The following ITGAX variants were observed in gnomAD, a reference collection of about 807,000 sequenced individuals.
The protein encoded by ITGAX is integrin alpha-X.
A neutral mutation model predicts 140.2 loss-of-function variants in ITGAX; 99 were observed. The observed-to-expected ratio is 0.71, with a 90% CI of 0.60 to 0.83. The LOEUF (loss-of-function observed/expected upper bound fraction) is 0.83. ITGAX is among the 40% of genes least tolerant of loss of function. The pLI is 0.00. For missense variants in ITGAX, 1,444 were observed against 1,482.0 expected (o/e 0.97, Z 0.42); for synonymous variants, 631 against 600.4 (o/e 1.05, Z -0.75).
At chr16:31,377,128 C>T (rs780826538) in intron 22 of ITGAX, 49 bp downstream of exon 22, 1 of 1,610,706 alleles carries the variant, frequency 6.2e-7, no homozygotes, top group African/African-American at 1.3e-5. Context: ...CAGCCTCACA[C>T]CCCATTCTCC....
In ITGAX at chr16:31,371,708, C is replaced by T; in HGVS notation, c.2084C>T (p.Thr695Ile). 2 of 1,614,170 alleles carry T rather than the reference C, an allele frequency of 1.2e-6. No individual in the cohort carries two copies. The highest frequency in any genetic ancestry group is 4.5e-5 in the East Asian group (2 of 44,866). The change falls in exon 17 of 30, where the codon ACA (threonine) becomes ATA (isoleucine). Residue 695 changes from threonine (T) to isoleucine (I), a missense_variant. Coordinates refer to ENST00000268296, the MANE Select transcript of ITGAX (RefSeq NM_000887.5). ...AGTCCCCGTGCCACCTTCCAGGAAA[C>T]AAAGAACCGGAGTCTGAGCCGAGTC... Reference protein sequence around the residue: ...RLSPRATFQETKNRSLSRVRV... With the variant: ...RLSPRATFQEIKNRSLSRVRV...
intron 23 of ITGAX, among the ~76,000 whole-genome samples, chr16:31,379,111 G>A (rs1447328765): frequency 1.3e-5 from 2 of 151,392 alleles, no homozygotes; most frequent in Non-Finnish European, 2.9e-5. Flanking sequence ...CACTGTGCCT[G>A]GTCTCTAAAC....
Position 31,382,854 on chromosome 16 carries a change from C to A in ITGAX, c.*947C>A, listed in dbSNP as rs1282385888. The A allele has an allele frequency of 4.0e-6, 1 of 249,010 alleles. No individual in the cohort carries two copies. The allele number at this position is 249,010 out of a possible 1,614,324, so 15.4% of individuals were successfully genotyped here. A position where few individuals can be genotyped will look rare whatever the true frequency, so the allele number is the denominator to read the frequency against. On this transcript the variant is annotated 3_prime_UTR_variant, in exon 30 of 30. Transcript: ENST00000268296. ...ATTTTTTGAGGCTATGAATATAGTA[C>A]CTGAAAAAATGCCAAGACATGATTA...
intron 10 of ITGAX, 41 bp downstream of exon 10, chr16:31,361,950 A>AG (rs759673689): frequency 6.2e-7 from 1 of 1,612,672 alleles, no homozygotes; most frequent in East Asian, 2.2e-5. Context: ...CCGTGAGGGG[A>AG]GGGGGAGCAG....
Position 31,382,244 on chromosome 16 carries a change from C to CTTTTCTTTTTTTTTTTTTTT in ITGAX, c.*356_*357insTTTTTCTTTTTTTTTTTTTT. 1 of 817,830 alleles carries CTTTTCTTTTTTTTTTTTTTT rather than the reference C, an allele frequency of 1.2e-6. No homozygotes were observed. Among genetic ancestry groups the CTTTTCTTTTTTTTTTTTTTT allele is most frequent in the Non-Finnish European group, 1.5e-6 (1 of 670,606 alleles). The allele number at this position is 817,830 out of a possible 1,614,324, so 50.7% of individuals were successfully genotyped here. A position where few individuals can be genotyped will look rare whatever the true frequency, so the allele number is the denominator to read the frequency against. On this transcript the variant is annotated 3_prime_UTR_variant, in exon 30 of 30. Transcript: ENST00000268296. ...CTTTCCTTTCTTTTTTTTTTTTTTTCTTTTCTTTTTTTTTTTTTTGAGACG... is the reference window on the plus strand; with the variant it reads ...CTTTCCTTTCTTTTTTTTTTTTTTTCTTTTCTTTTTTTTTTTTTTTTTTTCTTTTTTTTTTTTTTGAGACG...
rs553446204 is a variant in ITGAX, at chr16:31,382,944, T to A, written c.*1037T>A. 6.1e-6 allele frequency: 1 copy of A among 164,478 alleles called. No homozygotes were observed. Among genetic ancestry groups the A allele is most frequent in the Non-Finnish European group, 1.3e-5 (1 of 75,712 alleles). 10.2% of individuals were successfully genotyped at this position (164,478 alleles called of 1,614,324 possible). A position where few individuals can be genotyped will look rare whatever the true frequency, so the allele number is the denominator to read the frequency against. On this transcript the variant is annotated 3_prime_UTR_variant, in exon 30 of 30. Transcript: ENST00000268296. ...ATTAAAACATGCACAAAAAGATGCA[T>A]CTACCGCTCTTGGGAAATATGTCAA...
At chr16:31,359,129 C>T (rs897754015) in intron 5 of ITGAX, among the ~76,000 whole-genome samples, 1 of 151,996 alleles carries the variant, frequency 6.6e-6, no homozygotes, top group Non-Finnish European at 1.5e-5. Flanking sequence ...CTGACCTTCA[C>T]TCTTTTGTTG....
chr16:31,376,260 T>C (rs1001196016), intron 20 of ITGAX, among the ~76,000 whole-genome samples: 2 of 152,318 alleles, frequency 1.3e-5, no homozygotes, highest in Middle Eastern at 3.4e-3. Context: ...AAGGTGAACA[T>C]TTTAATACAT....
At chr16:31,365,020 G>A (rs900869308) in intron 14 of ITGAX, among the ~76,000 whole-genome samples, 19 of 151,230 alleles carry the variant, frequency 1.3e-4, no homozygotes, top group Admixed American at 9.3e-4. Flanking sequence ...ACTCCGTCTC[G>A]AACAAACAAA....
intron 9 of ITGAX, chr16:31,361,492 A>G: frequency 1.5e-6 from 1 of 666,040 alleles, no homozygotes. Context: ...GGCCCAACCC[A>G]GGAGACCCTT....
intron 20 of ITGAX, among the ~76,000 whole-genome samples, chr16:31,374,481 A>G (rs2081001277): frequency 6.6e-6 from 1 of 152,012 alleles, no homozygotes; most frequent in South Asian, 2.1e-4. Context: ...GCTCTGTCAC[A>G]CAGGCTGGAG....
chr16:31,377,849 C>T (rs1318951477), intron 23 of ITGAX, among the ~76,000 whole-genome samples: 1 of 152,136 alleles, frequency 6.6e-6, no homozygotes, highest in African/African-American at 2.4e-5. Context: ...TGGGGGAGGC[C>T]AAGGTGGGAG....
rs372641875 is a variant in ITGAX, at chr16:31,381,788, C to G, written c.3388-15C>G. 2.3e-6 allele frequency: 2 copies of G among 871,152 alleles called. No individual in the cohort carries two copies. The highest frequency in any genetic ancestry group is 3.4e-5 in the Admixed American group (2 of 58,894). The allele number at this position is 871,152 out of a possible 1,614,324, so 54.0% of individuals were successfully genotyped here. A position where few individuals can be genotyped will look rare whatever the true frequency, so the allele number is the denominator to read the frequency against. On this transcript the variant is annotated splice_polypyrimidine_tract_variant and intron_variant, in intron 29 of 29. Coordinates refer to ENST00000268296, the MANE Select transcript of ITGAX (RefSeq NM_000887.5). ...GAATGGGCTTCCTGAGTTTCTTCTT[C>G]GTCCTCCCCCCTAGGTTGGCTTCTT...
chr16:31,360,108 G>A (rs964436250), intron 7 of ITGAX, 43 bp downstream of exon 7: 35 of 1,603,050 alleles, frequency 2.2e-5, no homozygotes, highest in Non-Finnish European at 3.0e-5. Flanking sequence ...AAGCACCCAG[G>A]TCTTCCCTTG....
In ITGAX at chr16:31,372,366, C is replaced by T. The variant is rs758384745; in HGVS notation, c.2161-12C>T. 1 of 1,591,462 alleles carries T rather than the reference C, an allele frequency of 6.3e-7. No homozygotes were observed. Among genetic ancestry groups the T allele is most frequent in the South Asian group, 1.1e-5 (1 of 87,950 alleles). On this transcript the variant is annotated splice_polypyrimidine_tract_variant and intron_variant, in intron 17 of 29. Coordinates refer to ENST00000268296, the MANE Select transcript of ITGAX (RefSeq NM_000887.5). ...CCCTTACCCTCCGCTCCCCGCGACG[C>T]CCGTCCCCCAGAGCTGCGTGGAGGA... is the stretch of plus-strand genomic sequence containing the variant.
intron 18 of ITGAX, 39 bp from the exon 19 acceptor site, chr16:31,372,558 T>C (rs1220297306): frequency 6.2e-7 from 1 of 1,613,906 alleles, no homozygotes; most frequent in Non-Finnish European, 8.5e-7. Context: ...GCGTGGGGCC[T>C]GGGTCTCGGA....
intron 14 of ITGAX, among the ~76,000 whole-genome samples, chr16:31,367,557 G>A (rs1291731955): frequency 2.6e-5 from 4 of 152,166 alleles, no homozygotes; most frequent in African/African-American, 4.8e-5. Flanking sequence ...ACAAAGCTGG[G>A]GTGACAGCAC....
In ITGAX at chr16:31,360,315, G is replaced by A. The variant is rs573544662; in HGVS notation, c.713G>A (p.Arg238Gln). 1.5e-5 allele frequency: 24 copies of A among 1,610,356 alleles called. No homozygotes were observed. Among genetic ancestry groups the A allele is most frequent in the South Asian group, 1.2e-4 (11 of 90,692 alleles). ...TATAIQNVVH[R>Q]LFHASYGARR... ...GACCTCTCCTTTCCTGATAGGCACC[G>A]ATTGTTCCATGCCTCATATGGGGCC... is the stretch of plus-strand genomic sequence containing the variant. Residue 238 changes from arginine to glutamine, a missense_variant, in exon 8 of 30, where the codon CGA becomes CAA. Coordinates refer to ENST00000268296, the MANE Select transcript of ITGAX (RefSeq NM_000887.5).
rs2080932578 is a variant in ITGAX, at chr16:31,369,423, G to T, written c.1711-1661G>T. Among the ~76,000 whole-genome samples the T allele has an allele frequency of 2.0e-5, 3 of 152,236 alleles. No homozygotes were observed. In the East Asian group the frequency reaches 5.8e-4, roughly 29 times the overall value. ...CCAACTTTCAAAGAAGCTCTACTGT[G>T]GCCAAATGTTATCAACCAGCATCGC... On this transcript the variant is annotated intron_variant, in intron 14 of 29. Transcript: ENST00000268296.
Sources: gnomAD v4.1 joint callset for allele counts (sites outside exome capture counted in the v4.1 genomes callset) on GRCh38, gnomAD v4.1.1 for gene constraint, MANE v1.5 for transcripts, NCBI Gene and HGNC (gene_info 2026-07-23, HGNC 2026-07-21) for gene names.